The following NAALAD2 variants were observed in gnomAD, a reference collection of about 807,000 sequenced individuals.
NAALAD2 encodes N-acetylated-alpha-linked acidic dipeptidase 2.
A neutral mutation model predicts 95.6 loss-of-function variants in NAALAD2; 89 were observed. The observed-to-expected ratio is 0.93, with a 90% CI of 0.78 to 1.11. The LOEUF is 1.11. Among genes scored for constraint, NAALAD2 ranks in the 50% least tolerant of loss-of-function variants. The probability of loss-of-function intolerance (pLI) is 0.00; values close to 1 mark genes in which losing one functional copy is unlikely to be tolerated. For missense variants in NAALAD2, 894 were observed against 872.4 expected, an observed-to-expected ratio of 1.02 and a Z score of -0.31; for synonymous variants, 264 against 294.4, an observed-to-expected ratio of 0.90 and a Z score of 1.06.
chr11:90,162,561 C>T (rs567757952), intron 8 of NAALAD2: 1 of 152,268 alleles, frequency 6.6e-6, no homozygotes, highest in African/African-American at 2.4e-5. Context: ...ACATAATGGG[C>T]TGTCTTCTTC....
chr11:90,138,722 C>G, intron 2 of NAALAD2, among the ~76,000 whole-genome samples: 1 of 124,548 alleles, frequency 8.0e-6, no homozygotes. Context: ...CTTCATCCCT[C>G]AACTTTTTTT....
At position 90,158,157 on chromosome 11, in the gene NAALAD2, G is replaced by C; in HGVS notation, c.809G>C (p.Arg270Thr). ...TTGATTTTTTTAGAATACACTTTCA[G>C]ACTTGATGTTGAAGAAGGAGTGGGA... ...PGYPAKEYTF[R>T]LDVEEGVGIP... The change falls in exon 7 of 19, where the codon AGA becomes ACA. Residue 270 changes from arginine to threonine, a missense_variant. Physicochemically the swap from Arg to Thr is moderately conservative, Grantham distance 71 (BLOSUM62 -1). Transcript: ENST00000534061. 6.2e-7 allele frequency: 1 copy of C among 1,605,806 alleles called. No individual in the cohort carries two copies. Among genetic ancestry groups the C allele is most frequent in the Non-Finnish European group, 8.5e-7 (1 of 1,174,820 alleles).
At chr11:90,137,191 GT>G in intron 2 of NAALAD2, among the ~76,000 whole-genome samples, 1 of 152,124 alleles carries the variant, frequency 6.6e-6, no homozygotes, top group East Asian at 1.9e-4. Context: ...TAGAATGATG[GT>G]TACCAGAAAC....
At chr11:90,142,844 A>G (rs1296645945) in intron 2 of NAALAD2, among the ~76,000 whole-genome samples, 1 of 151,846 alleles carries the variant, frequency 6.6e-6, no homozygotes, top group Non-Finnish European at 1.5e-5. Flanking sequence ...TTTTATTTCA[A>G]TTTATCTTTT....
intron 2 of NAALAD2, among the ~76,000 whole-genome samples, chr11:90,146,167 T>C (rs1018812737): frequency 6.6e-6 from 1 of 151,870 alleles, no homozygotes; most frequent in Non-Finnish European, 1.5e-5. Flanking sequence ...ATTGTGATGA[T>C]TAAATGAGAA....
chr11:90,178,030 G>A lies in NAALAD2; in HGVS notation c.1771G>A (p.Ala591Thr), dbSNP rs754393265. Residue 591 changes from alanine (A) to threonine (T), a missense_variant, in exon 16 of 19, where the codon GCA becomes ACA. Ala to Thr is a moderately conservative substitution (Grantham distance 58). Coordinates refer to ENST00000534061, the MANE Select transcript of NAALAD2 (RefSeq NM_005467.4). ...KIIPFNIQDYAEALKNYAASI... is the reference protein window; with the variant it reads ...KIIPFNIQDYTEALKNYAASI... ...CATTCCTTTTAATATTCAAGACTAT[G>A]CAGAAGCTTTGAAAAACTATGCAGC... 6.2e-6 allele frequency: 10 copies of A among 1,613,654 alleles called. No homozygotes were observed. In the African/African-American group the frequency reaches 1.3e-4, roughly 22 times the overall value.
intron 2 of NAALAD2, among the ~76,000 whole-genome samples, chr11:90,142,100 G>T (rs1247168921): frequency 1.3e-5 from 2 of 152,190 alleles, no homozygotes; most frequent in Admixed American, 6.5e-5. Context: ...ACTGCTGAGG[G>T]TTTTTATCAT....
chr11:90,139,790 T>C (rs1158683021), intron 2 of NAALAD2, among the ~76,000 whole-genome samples: 1 of 151,990 alleles, frequency 6.6e-6, no homozygotes, highest in African/African-American at 2.4e-5. Context: ...AAAAAGGTAA[T>C]TTGCAAAAGA....
chr11:90,142,493 A>G (rs954249856), intron 2 of NAALAD2, among the ~76,000 whole-genome samples: 1 of 152,168 alleles, frequency 6.6e-6, no homozygotes, highest in Admixed American at 6.6e-5. Context: ...TTATGTTTAT[A>G]TACGATGTCT....
chr11:90,186,704 AC>A (rs1857153015), intron 18 of NAALAD2, among the ~76,000 whole-genome samples: 1 of 147,416 alleles, frequency 6.8e-6, no homozygotes. Flanking sequence ...TAAACGTTAG[AC>A]CTAAAACCAT....
chr11:90,187,626 A>G (rs1325354795), intron 18 of NAALAD2, among the ~76,000 whole-genome samples: 2 of 152,136 alleles, frequency 1.3e-5, no homozygotes, highest in African/African-American at 4.8e-5. Flanking sequence ...TTTCAAAATT[A>G]TTTTTTCCTC....
Position 90,189,857 on chromosome 11 carries a change from G to T in NAALAD2, c.2034-1701G>T, listed in dbSNP as rs150925278. 1.6e-3 allele frequency among the ~76,000 whole-genome samples: 247 copies of T among 152,254 alleles called. 2 individuals carry two copies. The highest frequency in any genetic ancestry group is 5.6e-3 in the African/African-American group (232 of 41,562). ...GGGAAGGTTGAGGAAAAAAGACTAT[G>T]AAGTGTTGACCATATTCTCTAGTCT... is the stretch of plus-strand genomic sequence containing the variant. On this transcript the variant is annotated intron_variant, in intron 18 of 18. Coordinates refer to ENST00000534061, the MANE Select transcript of NAALAD2 (RefSeq NM_005467.4).
rs1443016739 is a variant in NAALAD2 at position 90,163,345 on chromosome 11, T to TG, written c.1114dup (p.Val372GlyfsTer6). The TG allele has an allele frequency of 1.2e-6, 2 of 1,614,062 alleles. No individual in the cohort carries two copies. The highest frequency in any genetic ancestry group is 3.3e-5 in the Admixed American group (2 of 60,024). On this transcript the variant is annotated frameshift_variant, in exon 10 of 19. Transcript: ENST00000534061. LOFTEE classifies it high-confidence loss of function. ...TATTCTGGGAGGTCACCGGGACTCC[T>TG]GGGTATTTGGAGCTATTGACCCAAC...
At chr11:90,132,787 A>G (rs964913862), upstream of NAALAD2, among the ~76,000 whole-genome samples, 2 of 152,180 alleles carry the variant, frequency 1.3e-5, no homozygotes, top group Non-Finnish European at 2.9e-5. Flanking sequence ...GTATGCATAT[A>G]AGGGGGAACA....
chr11:90,162,504 TATAA>T (rs1227888470), intron 8 of NAALAD2: 1 of 152,036 alleles, frequency 6.6e-6, no homozygotes. Flanking sequence ...TTAATATAAA[TATAA>T]ATAGATACAT....
Position 90,142,616 on chromosome 11 carries a change from A to G in NAALAD2, c.195-4714A>G, listed in dbSNP as rs570764032. On this transcript the variant is annotated intron_variant, in intron 2 of 18. Coordinates refer to ENST00000534061, the MANE Select transcript of NAALAD2 (RefSeq NM_005467.4). Reference sequence around the variant, plus strand: ...TATCCATTTTTGTAATCTTAATTTAAGTATGCCCTCTGTGGGCCGCATATA... The same window carrying G: ...TATCCATTTTTGTAATCTTAATTTAGGTATGCCCTCTGTGGGCCGCATATA... Among the ~76,000 whole-genome samples, 24 of 152,202 alleles carry G rather than the reference A, an allele frequency of 1.6e-4. No individual in the cohort carries two copies. In the South Asian group the frequency reaches 5.0e-3, roughly 32 times the overall value.
intron 13 of NAALAD2, among the ~76,000 whole-genome samples, chr11:90,172,172 G>A (rs1035118411): frequency 6.6e-6 from 1 of 152,152 alleles, no homozygotes; most frequent in Non-Finnish European, 1.5e-5. Context: ...ATTGTAAATT[G>A]GCAGGAGCAG....
At chr11:90,161,140 G>C (rs565717720) in intron 8 of NAALAD2, among the ~76,000 whole-genome samples, 3 of 152,024 alleles carry the variant, frequency 2.0e-5, no homozygotes, top group Non-Finnish European at 4.4e-5. Flanking sequence ...GCCAAAAGAA[G>C]ATATGAAGAA....
In NAALAD2 at chr11:90,179,601, G is replaced by A. The variant is rs575807785; in HGVS notation, c.1858+1484G>A. Among the ~76,000 whole-genome samples, 22 of 152,188 alleles carry A rather than the reference G, an allele frequency of 1.4e-4. 1 individual carries two copies. The South Asian group carries it at 4.4e-3, about 30-fold the overall frequency. On this transcript the variant is annotated intron_variant, in intron 16 of 18. Transcript: ENST00000534061. ...ACAATTGGAGTATCTCTGCAGTGAT[G>A]GGGGAAATAAGGAGAGATAAAACCA...
Sources: gnomAD v4.1 joint callset for allele counts (sites outside exome capture counted in the v4.1 genomes callset) on GRCh38, gnomAD v4.1.1 for gene constraint, MANE v1.5 for transcripts, NCBI Gene and HGNC (gene_info 2026-07-23, HGNC 2026-07-21) for gene names.